LRRFIP1: variants seen among roughly 807,000 people sequenced by gnomAD.
The protein encoded by LRRFIP1 is leucine-rich repeat flightless-interacting protein 1.
A neutral mutation model predicts 104.4 loss-of-function variants in LRRFIP1; 62 were observed. The observed-to-expected ratio is 0.59, with a 90% CI of 0.48 to 0.73. LRRFIP1 has a LOEUF of 0.73. LRRFIP1 is among the 30% of genes least tolerant of loss of function. The probability of loss-of-function intolerance (pLI) is 0.00; values close to 1 mark genes in which losing one functional copy is unlikely to be tolerated. For synonymous variants in LRRFIP1, 300 were observed against 299.0 expected (o/e 1.00, Z -0.03); for missense variants, 796 against 824.5 (o/e 0.97, Z 0.42).
intron 2 of LRRFIP1, among the ~76,000 whole-genome samples, chr2:237,712,503 A>G (rs897804151): frequency 6.6e-6 from 1 of 152,232 alleles, no homozygotes; most frequent in Non-Finnish European, 1.5e-5. Flanking sequence ...AACATAAAAT[A>G]TACAATTTTC....
chr2:237,725,999 A>G (rs1424632718), intron 7 of LRRFIP1, among the ~76,000 whole-genome samples: 1 of 152,206 alleles, frequency 6.6e-6, no homozygotes, highest in Non-Finnish European at 1.5e-5. Flanking sequence ...TATTTTATTA[A>G]TTTCTTCTGG....
rs1347027284 is a variant in LRRFIP1 at position 237,766,667 on chromosome 2, C to G, written c.1460-3276C>G. Among the ~76,000 whole-genome samples, 1 of 152,168 alleles carries G rather than the reference C, an allele frequency of 6.6e-6. No individual in the cohort carries two copies. The highest frequency in any genetic ancestry group is 1.5e-5 in the Non-Finnish European group (1 of 68,038). On this transcript the variant is annotated intron_variant, in intron 19 of 23. Transcript: ENST00000308482. The surrounding 1 kb of genome is among the most constrained non-coding windows in gnomAD (Gnocchi z 4.8). ...ACATGGAAGGCACTGTGCCAGTGAA[C>G]AAGCAGTTGGACCCAGCCCTCCAGT...
intron 8 of LRRFIP1, among the ~76,000 whole-genome samples, chr2:237,728,763 CAT>C (rs1426591289): frequency 6.6e-6 from 1 of 151,642 alleles, no homozygotes; most frequent in Non-Finnish European, 1.5e-5. Context: ...ATTAAGATAT[CAT>C]GTGTATGCTT....
intron 1 of LRRFIP1, among the ~76,000 whole-genome samples, chr2:237,673,111 C>T (rs2090591987): frequency 6.6e-6 from 1 of 152,236 alleles, no homozygotes; most frequent in African/African-American, 2.4e-5. Flanking sequence ...ATTAGCCTAA[C>T]TTCTTCAGCT....
At position 237,757,438 on chromosome 2, in the gene LRRFIP1, G is replaced by C. The variant is rs372086888; in HGVS notation, c.1132-18G>C. On this transcript the variant is annotated intron_variant, in intron 16 of 23. Coordinates refer to ENST00000308482, the MANE Select transcript of LRRFIP1 (RefSeq NM_001137550.2). ...CTCTTTAACCCTTTATCTGCTTTCTGTCTGTTCCTTTCCTCAGGAAATCCG... is the reference window on the plus strand; with the variant it reads ...CTCTTTAACCCTTTATCTGCTTTCTCTCTGTTCCTTTCCTCAGGAAATCCG... 789 of 1,539,280 alleles carry C rather than the reference G, an allele frequency of 5.1e-4. 3 individuals are homozygous for C. Among genetic ancestry groups the C allele is most frequent in the Middle Eastern group, 3.5e-3 (21 of 5,942 alleles).
rs1368960135 is a variant in LRRFIP1, at chr2:237,769,950, G to A, written c.1467G>A (p.Arg489=). 3.1e-6 allele frequency: 5 copies of A among 1,602,996 alleles called. No homozygotes were observed. The highest frequency in any genetic ancestry group is 1.7e-5 in the Admixed American group (1 of 58,644). ...TCTTTGTGATTTCTTTAGATATTAG[G>A]TTGAAAAAGCTGGTTGATGAACGGG... ...KSTGDGTLDI[R]LKKLVDEREC... is the part of the protein sequence containing the mutation. The change falls in exon 20 of 24, where the codon AGG becomes AGA. Residue 489 remains arginine, a synonymous_variant. Coordinates refer to ENST00000308482, the MANE Select transcript of LRRFIP1 (RefSeq NM_001137550.2).
chr2:237,709,891 C>G (rs921013616), intron 2 of LRRFIP1, among the ~76,000 whole-genome samples: 1 of 150,586 alleles, frequency 6.6e-6, no homozygotes, highest in Non-Finnish European at 1.5e-5. Flanking sequence ...CTTGCTCTAT[C>G]GCCCAGGCTG....
chr2:237,724,913 G>T (rs1428377984), intron 7 of LRRFIP1, among the ~76,000 whole-genome samples: 1 of 151,842 alleles, frequency 6.6e-6, no homozygotes, highest in East Asian at 1.9e-4. Flanking sequence ...CATCTCTAAT[G>T]CCCTTTACAT....
At chr2:237,765,726 A>T in intron 19 of LRRFIP1, 1 of 936,914 alleles carries the variant, frequency 1.1e-6, no homozygotes, top group South Asian at 4.9e-5. Flanking sequence ...GTAAAGTTAG[A>T]TTTAAAATTG....
intron 1 of LRRFIP1, among the ~76,000 whole-genome samples, chr2:237,630,562 G>A (rs552966404): frequency 5.9e-5 from 9 of 152,338 alleles, no homozygotes; most frequent in Admixed American, 2.0e-4. Flanking sequence ...AATCACAGCC[G>A]GCCAGTGGTC....
At chr2:237,645,657 GT>G (rs2084783425) in intron 1 of LRRFIP1, among the ~76,000 whole-genome samples, 2 of 151,990 alleles carry the variant, frequency 1.3e-5, no homozygotes, top group Admixed American at 1.3e-4. Context: ...TTGAATGAAG[GT>G]TTTATGATGG....
Position 237,661,531 on chromosome 2 carries a change from G to T in LRRFIP1, c.96+33791G>T, listed in dbSNP as rs982205386. ...CCTTCCACCTCGCTCTCGGCCCCTG[G>T]TTCACCTTCTGTTCCTGCCCAGGGC... On this transcript the variant is annotated intron_variant, in intron 1 of 23. Transcript: ENST00000308482. This position sits in a 1 kb window ranked among gnomAD's most constrained non-coding sequence, Gnocchi z 4.4. 6.6e-6 allele frequency among the ~76,000 whole-genome samples: 1 copy of T among 152,158 alleles called. No homozygotes were observed. Among genetic ancestry groups the T allele is most frequent in the African/African-American group, 2.4e-5 (1 of 41,430 alleles).
At chr2:237,733,565 A>G (rs1380047693) in intron 8 of LRRFIP1, among the ~76,000 whole-genome samples, 1 of 152,212 alleles carries the variant, frequency 6.6e-6, no homozygotes, top group Non-Finnish European at 1.5e-5. Context: ...TTAAAGTTAA[A>G]AATCATCTCA....
intron 1 of LRRFIP1, among the ~76,000 whole-genome samples, chr2:237,652,037 G>GC (rs1559473991): frequency 6.6e-6 from 1 of 152,210 alleles, no homozygotes; most frequent in East Asian, 1.9e-4. Flanking sequence ...GCACTGGGAG[G>GC]CCCTCAGTGG....
chr2:237,650,079 T>A (rs942031746), intron 1 of LRRFIP1, among the ~76,000 whole-genome samples: 5 of 151,914 alleles, frequency 3.3e-5, no homozygotes, highest in Non-Finnish European at 7.4e-5. Flanking sequence ...AGCAGACAGC[T>A]CTGTAACATG....
At chr2:237,673,078 G>C (rs1326823358) in intron 1 of LRRFIP1, among the ~76,000 whole-genome samples, 2 of 152,212 alleles carry the variant, frequency 1.3e-5, no homozygotes, top group Non-Finnish European at 2.9e-5. Context: ...CTTCTCTTCA[G>C]GTGAAATGAA....
intron 1 of LRRFIP1, among the ~76,000 whole-genome samples, chr2:237,678,272 G>T (rs1428229329): frequency 6.6e-6 from 1 of 152,270 alleles, no homozygotes; most frequent in South Asian, 2.1e-4. Context: ...CTAGAGCCAC[G>T]GGATGTAGAA....
Position 237,766,769 on chromosome 2 carries a change from G to A in LRRFIP1, c.1460-3174G>A, listed in dbSNP as rs1463573619. Among the ~76,000 whole-genome samples, 3 of 152,190 alleles carry A rather than the reference G, an allele frequency of 2.0e-5. No individual in the cohort carries two copies. The highest frequency in any genetic ancestry group is 4.4e-5 in the Non-Finnish European group (3 of 68,044). ...GTTCTGAGCAGCCAAACCATTTCTC[G>A]ATGATTTCAGAGCCTTCATTCTGAG... On this transcript the variant is annotated intron_variant, in intron 19 of 23. Transcript: ENST00000308482. This position sits in a 1 kb window ranked among gnomAD's most constrained non-coding sequence, Gnocchi z 4.8.
chr2:237,741,136 G>A (rs1233413363), intron 11 of LRRFIP1, among the ~76,000 whole-genome samples: 3 of 152,220 alleles, frequency 2.0e-5, no homozygotes, highest in Non-Finnish European at 4.4e-5. Context: ...CAGGGAGTGC[G>A]AGGCGGCAGC....
Sources: gnomAD v4.1 joint callset for allele counts (sites outside exome capture counted in the v4.1 genomes callset) on GRCh38, gnomAD v4.1.1 for gene constraint, Gnocchi (gnomAD v3.1) non-coding constraint, MANE v1.5 for transcripts, NCBI Gene and HGNC (gene_info 2026-07-23, HGNC 2026-07-21) for gene names.